The following MYO5A variants were observed in gnomAD, a reference collection of about 807,000 sequenced individuals.
The protein encoded by MYO5A is unconventional myosin-Va.
In MYO5A, 98 loss-of-function variants were observed where a neutral mutation model predicts 249.7. The ratio of observed to expected loss-of-function variants is 0.39; its 90% CI spans 0.33 to 0.46. MYO5A has a LOEUF of 0.46. Ranked by LOEUF, MYO5A falls within the 20% of genes least tolerant of loss-of-function variation. The pLI, the probability that MYO5A is intolerant of heterozygous loss-of-function variation, is 0.98. For missense variants in MYO5A, 1,696 were observed against 2,308.8 expected (o/e 0.73, Z 5.44); for synonymous variants, 778 against 810.6 (o/e 0.96, Z 0.68).
At chr15:52,513,797 G>A (rs1250945897) in intron 1 of MYO5A, among the ~76,000 whole-genome samples, 4 of 152,184 alleles carry the variant, frequency 2.6e-5, no homozygotes, top group Admixed American at 2.0e-4. Flanking sequence ...CCACTCAGGG[G>A]TGTTGAGCTA....
intron 22 of MYO5A, among the ~76,000 whole-genome samples, chr15:52,369,546 G>A (rs569861740): frequency 2.6e-5 from 4 of 152,264 alleles, no homozygotes; most frequent in African/African-American, 4.8e-5. Context: ...TTCCATCTGC[G>A]TAAAGCTGTT....
intron 30 of MYO5A, among the ~76,000 whole-genome samples, chr15:52,344,832 T>C (rs2039543141): frequency 6.6e-6 from 1 of 152,228 alleles, no homozygotes; most frequent in South Asian, 2.1e-4. Context: ...TGCTTATTAC[T>C]GTATTCCCAG....
chr15:52,431,535 G>T (rs1450076349), intron 2 of MYO5A, among the ~76,000 whole-genome samples: 1 of 151,942 alleles, frequency 6.6e-6, no homozygotes, highest in African/African-American at 2.4e-5. Flanking sequence ...TGCTAAGAGG[G>T]CTGAGAAGTG....
intron 36 of MYO5A, among the ~76,000 whole-genome samples, chr15:52,325,287 C>T (rs1024718300): frequency 1.3e-5 from 2 of 152,104 alleles, no homozygotes; most frequent in African/African-American, 4.8e-5. Context: ...CTGGATGTAA[C>T]GGCACCTATA....
At position 52,311,482 on chromosome 15, in the gene MYO5A, T is replaced by C. The variant is rs1001275548; in HGVS notation, c.*2214A>G. 6.6e-6 allele frequency: 1 copy of C among 152,230 alleles called. No homozygotes were observed. The highest frequency in any genetic ancestry group is 2.1e-4 in the South Asian group (1 of 4,832). The allele number at this position is 152,230 out of a possible 1,614,324, so 9.4% of individuals were successfully genotyped here. A position where few individuals can be genotyped will look rare whatever the true frequency, so the allele number is the denominator to read the frequency against. ...TGATGCAATTGGTAGTGTTTCTGGT[T>C]GATACTGCAAATAAATAAATAAATG... is the stretch of plus-strand genomic sequence containing the variant. On this transcript the variant is annotated 3_prime_UTR_variant, in exon 42 of 42. Coordinates refer to ENST00000399233, the MANE Select transcript of MYO5A (RefSeq NM_001382347.1).
chr15:52,452,578 T>C lies in MYO5A; in HGVS notation c.28-19293A>G, dbSNP rs140160242. Among the ~76,000 whole-genome samples, 413 of 152,296 alleles carry C rather than the reference T, an allele frequency of 2.7e-3. 1 individual carries two copies. Among genetic ancestry groups the C allele is most frequent in the African/African-American group, 9.4e-3 (389 of 41,562 alleles). On this transcript the variant is annotated intron_variant, in intron 1 of 41. Transcript: ENST00000399233. ...AAATCAGAGTTCAGCAGTATCATAC[T>C]GTAGGAGGTATATTCCATAATTCCC...
Position 52,370,309 on chromosome 15 carries a change from C to G in MYO5A, c.2926G>C (p.Glu976Gln). Residue 976 changes from glutamate to glutamine, a missense_variant, in exon 22 of 42, where the codon GAG becomes CAG. By Grantham distance (29) the Glu-to-Gln change is conservative. This residue lies in a region of MYO5A where 412 missense variants were observed against 453.3 expected (regional missense o/e 0.91). Transcript: ENST00000399233. ...CGCCCAGTGGCAACTTTCGCTTCCT[C>G]TTCACTTAGTTGAAGACGTTCTAAG... ...SDLERLQLSE[E>Q]EAKVATGRVL... 1.2e-6 allele frequency: 2 copies of G among 1,614,150 alleles called. No individual in the cohort carries two copies.
intron 9 of MYO5A, 102 bp from the exon 10 acceptor site, chr15:52,397,568 T>A (rs1567087446): frequency 7.2e-7 from 1 of 1,384,276 alleles, no homozygotes; most frequent in East Asian, 2.3e-5. Context: ...CAGCAATTTC[T>A]TTGTTATAAC....
Position 52,433,187 on chromosome 15 carries a change from G to A in MYO5A, c.126C>T (p.Leu42=), listed in dbSNP as rs375324986. The A allele has an allele frequency of 1.3e-4, 204 of 1,602,628 alleles. No homozygotes were observed. The African/African-American group carries it at 1.3e-3, about 10-fold the overall frequency. Residue 42 remains leucine (L), a synonymous_variant, in exon 2 of 42, where the codon CTC becomes CTT. Coordinates refer to ENST00000399233, the MANE Select transcript of MYO5A (RefSeq NM_001382347.1). ...KPGDKVLLLH[L]EEGKDLEYHL... Reference sequence around the variant, plus strand: ...AGTGAGATCTCACCTTTCCTTCCTCGAGGTGAAGCAGGAGGACTTTATCTC... The same window carrying A: ...AGTGAGATCTCACCTTTCCTTCCTCAAGGTGAAGCAGGAGGACTTTATCTC...
intron 40 of MYO5A, among the ~76,000 whole-genome samples, chr15:52,315,709 T>C (rs1321594019): frequency 6.6e-6 from 1 of 151,478 alleles, no homozygotes; most frequent in African/African-American, 2.4e-5. Flanking sequence ...TGGAGTGCAG[T>C]GGTGCAATCT....
chr15:52,379,776 T>C (rs2041635492), intron 17 of MYO5A, 43 bp from the exon 18 acceptor site: 1 of 1,613,812 alleles, frequency 6.2e-7, no homozygotes, highest in East Asian at 2.2e-5. Context: ...AGAACTAGGA[T>C]CTTCTCCCAT....
Position 52,340,196 on chromosome 15 carries a change from C to G in MYO5A, c.4239G>C (p.Leu1413Phe). The change falls in exon 32 of 42, where the codon TTG becomes TTC. Residue 1413 changes from leucine (L) to phenylalanine (F), a missense_variant and splice_region_variant. This residue lies in a region of MYO5A where 625 missense variants were observed against 908.1 expected (regional missense o/e 0.69). Transcript: ENST00000399233. ...ATGTGGACCCGGCAGCTCTCCTTACCAAGTTTTCGTTGGTCAGCCGGGTGA... is the reference window on the plus strand; with the variant it reads ...ATGTGGACCCGGCAGCTCTCCTTACGAAGTTTTCGTTGGTCAGCCGGGTGA... ...HEITRLTNEN[L>F]YFEELYADDP... 1 of 1,614,118 alleles carries G rather than the reference C, an allele frequency of 6.2e-7. No individual in the cohort carries two copies. The highest frequency in any genetic ancestry group is 2.2e-5 in the East Asian group (1 of 44,882).
chr15:52,349,615 T>C (rs2039838295), intron 28 of MYO5A, among the ~76,000 whole-genome samples: 1 of 152,222 alleles, frequency 6.6e-6, no homozygotes, highest in Non-Finnish European at 1.5e-5. Flanking sequence ...CATTTTTCTT[T>C]TCCTTTCTCT....
At chr15:52,451,254 T>C (rs970592299) in intron 1 of MYO5A, among the ~76,000 whole-genome samples, 1 of 152,124 alleles carries the variant, frequency 6.6e-6, no homozygotes, top group Non-Finnish European at 1.5e-5. Context: ...CCTTCACTCC[T>C]GTAACAAATC....
chr15:52,316,113 A>T (rs1358301993), intron 40 of MYO5A, among the ~76,000 whole-genome samples: 1 of 150,898 alleles, frequency 6.6e-6, no homozygotes, highest in Non-Finnish European at 1.5e-5. Context: ...AGGTGCCTGT[A>T]GTCCCAGCTA....
intron 24 of MYO5A, 101 bp downstream of exon 24, chr15:52,364,453 G>T: frequency 9.1e-7 from 1 of 1,096,638 alleles, no homozygotes; most frequent in South Asian, 1.5e-5. Flanking sequence ...GAACTGGGTG[G>T]TAGGTACACA....
At chr15:52,318,526 T>C (rs994303927) in intron 39 of MYO5A, among the ~76,000 whole-genome samples, 19 of 151,654 alleles carry the variant, frequency 1.3e-4, no homozygotes, top group South Asian at 8.3e-4. Flanking sequence ...CTGAGGAGTA[T>C]TGGGCATAAA....
At chr15:52,499,871 A>G (rs781116834) in intron 1 of MYO5A, among the ~76,000 whole-genome samples, 2 of 152,054 alleles carry the variant, frequency 1.3e-5, no homozygotes, top group Non-Finnish European at 2.9e-5. Flanking sequence ...GCTGGATCAT[A>G]TGGTAATTAT....
chr15:52,420,963 T>G (rs1280650097), intron 4 of MYO5A, among the ~76,000 whole-genome samples: 2 of 152,196 alleles, frequency 1.3e-5, no homozygotes, highest in South Asian at 4.1e-4. Context: ...TTTCCTCACC[T>G]GTAAAGCAGT....
Sources: allele counts gnomAD v4.1 joint callset (sites outside exome capture counted in the v4.1 genomes callset), GRCh38; gene constraint gnomAD v4.1.1; regional missense constraint gnomAD v4.1.1; transcripts MANE v1.5; gene names NCBI Gene and HGNC (gene_info 2026-07-23, HGNC 2026-07-21).